Variants in SORCS2 observed in about 807,000 individuals in gnomAD.
The protein encoded by SORCS2 is sortilin related VPS10 domain containing receptor 2, also known as VPS10 domain-containing receptor SorCS2.
In SORCS2, 100 loss-of-function variants were observed where a neutral mutation model predicts 141.6. That is an observed-to-expected ratio of 0.71 (90% confidence interval 0.60 to 0.83). The LOEUF (loss-of-function observed/expected upper bound fraction) is 0.83. SORCS2 is among the 40% of genes least tolerant of loss of function. SORCS2 has a pLI of 0.00. For missense variants in SORCS2, 1,646 were observed against 1,560.2 expected, an observed-to-expected ratio of 1.05 and a Z score of -0.93; for synonymous variants, 789 against 676.9, an observed-to-expected ratio of 1.17 and a Z score of -2.57.
At chr4:7,316,815 C>G (rs1196029733) in intron 1 of SORCS2, among the ~76,000 whole-genome samples, 1 of 152,202 alleles carries the variant, frequency 6.6e-6, no homozygotes, top group Non-Finnish European at 1.5e-5. Flanking sequence ...GGAATCATAG[C>G]TGGCTAGAGG....
chr4:7,659,060 T>C (rs1721982742), intron 5 of SORCS2, among the ~76,000 whole-genome samples: 1 of 152,180 alleles, frequency 6.6e-6, no homozygotes, highest in Non-Finnish European at 1.5e-5. Flanking sequence ...TTAGTTGGAA[T>C]GTGTGTGATA....
At chr4:7,559,832 C>G (rs1417873226) in intron 3 of SORCS2, among the ~76,000 whole-genome samples, 3 of 152,266 alleles carry the variant, frequency 2.0e-5, no homozygotes, top group African/African-American at 7.2e-5. Context: ...GCCCACTGAC[C>G]ACTCGCAAAT....
In SORCS2 at chr4:7,589,586, A is replaced by G. The variant is rs1271341048; in HGVS notation, c.649-48742A>G. On this transcript the variant is annotated intron_variant, in intron 3 of 26. Transcript: ENST00000507866. ...CCCGGCTAACTTTTGTATTTTTAGT[A>G]AAGAAGGGGTTTCACCATATTGGCC... Among the ~76,000 whole-genome samples the G allele has an allele frequency of 3.3e-5, 5 of 152,034 alleles. No homozygotes were observed. The East Asian group carries it at 9.7e-4, about 29-fold the overall frequency.
chr4:7,703,109 G>A (rs1210223747), intron 12 of SORCS2, among the ~76,000 whole-genome samples, 171 bp from the exon 13 acceptor site: 2 of 152,152 alleles, frequency 1.3e-5, no homozygotes, highest in Non-Finnish European at 2.9e-5. Flanking sequence ...CGCGTGGGCT[G>A]GGAAAGCTCG....
At position 7,641,195 on chromosome 4, in the gene SORCS2, A is replaced by G. The variant is rs979817737; in HGVS notation, c.813+2703A>G. ...TCTATTAGCCCATTGTCACACTGCT[A>G]TTAAGAACTACCTGAGACTGATTAA... On this transcript the variant is annotated intron_variant, in intron 4 of 26. Transcript: ENST00000507866. Among the ~76,000 whole-genome samples the G allele has an allele frequency of 9.2e-5, 14 of 152,282 alleles. No homozygotes were observed. In the South Asian group the frequency reaches 2.5e-3, roughly 27 times the overall value.
In SORCS2 at chr4:7,716,323, C is replaced by T. The variant is rs1164899574; in HGVS notation, c.2252+1012C>T. Among the ~76,000 whole-genome samples, 2 of 152,344 alleles carry T rather than the reference C, an allele frequency of 1.3e-5. 1 individual carries two copies. The highest frequency in any genetic ancestry group is 4.1e-4 in the South Asian group (2 of 4,828). On this transcript the variant is annotated intron_variant, in intron 17 of 26. Transcript: ENST00000507866. ...CAGCATGTCTCCTGCCATCCACCCA[C>T]CCATCCATGCAATCACTCGTTCATC...
chr4:7,358,963 T>G (rs972581917), intron 1 of SORCS2, among the ~76,000 whole-genome samples: 2 of 152,168 alleles, frequency 1.3e-5, no homozygotes, highest in African/African-American at 2.4e-5. Flanking sequence ...CCAAACCTAC[T>G]GAATAGCTGG....
Position 7,718,096 on chromosome 4 carries a change from G to A in SORCS2, c.2337G>A (p.Pro779=), listed in dbSNP as rs747673141. Reference sequence around the variant, plus strand: ...TGCAGCTGCAGTGCCCCCTCACGCCGCCCCGGGGCCTGCAGGTCAGCATTC... The same window carrying A: ...TGCAGCTGCAGTGCCCCCTCACGCCACCCCGGGGCCTGCAGGTCAGCATTC... The part of the protein sequence containing the change: ...SQVQLQCPLT[P]PRGLQVSIQG... Residue 779 remains proline, a synonymous_variant, in exon 18 of 27, where the codon CCG becomes CCA. Transcript: ENST00000507866. 70 of 1,611,484 alleles carry A rather than the reference G, an allele frequency of 4.3e-5. No homozygotes were observed. The highest frequency in any genetic ancestry group is 2.7e-4 in the African/African-American group (20 of 74,848).
At chr4:7,491,608 C>T (rs1026322287) in intron 2 of SORCS2, among the ~76,000 whole-genome samples, 14 of 152,258 alleles carry the variant, frequency 9.2e-5, no homozygotes, top group African/African-American at 3.1e-4. Context: ...GCCAGCAGGT[C>T]CCTTGACCTC....
chr4:7,303,603 T>C (rs1453023403), intron 1 of SORCS2, among the ~76,000 whole-genome samples: 1 of 152,202 alleles, frequency 6.6e-6, no homozygotes, highest in Non-Finnish European at 1.5e-5. Context: ...GTGATGGTCT[T>C]GGCACCCTGC....
rs370851377 is a variant in SORCS2 at position 7,591,737 on chromosome 4, C to T, written c.649-46591C>T. ...CCCCCGTAGAGCCCGGGAGAGCTTT[C>T]TAAAGCGCCCCACGGCAGTGATGAA... On this transcript the variant is annotated intron_variant, in intron 3 of 26. Transcript: ENST00000507866. 5.1e-4 allele frequency among the ~76,000 whole-genome samples: 77 copies of T among 152,322 alleles called. No individual in the cohort carries two copies. The East Asian group carries it at 7.6e-3, about 15-fold the overall frequency.
chr4:7,561,961 A>G (rs1280812229), intron 3 of SORCS2, among the ~76,000 whole-genome samples: 1 of 152,184 alleles, frequency 6.6e-6, no homozygotes, highest in South Asian at 2.1e-4. Context: ...TAATCCATGT[A>G]TTCATTTATC....
chr4:7,195,062 G>T (rs1310616533), intron 1 of SORCS2, among the ~76,000 whole-genome samples: 1 of 152,168 alleles, frequency 6.6e-6, no homozygotes, highest in East Asian at 1.9e-4. Flanking sequence ...ATGGGGCACT[G>T]GGGGTGGGGG....
intron 2 of SORCS2, among the ~76,000 whole-genome samples, chr4:7,504,869 G>A (rs1732182915): frequency 6.6e-6 from 1 of 152,236 alleles, no homozygotes; most frequent in African/African-American, 2.4e-5. Flanking sequence ...GGCCACAAAA[G>A]GTCCATGGTG....
At chr4:7,609,093 G>A (rs1424307257) in intron 3 of SORCS2, among the ~76,000 whole-genome samples, 3 of 152,140 alleles carry the variant, frequency 2.0e-5, no homozygotes, top group African/African-American at 7.2e-5. Context: ...TGAGGGGCTG[G>A]TGAAGGGTTA....
At chr4:7,589,980 T>C (rs1244517500) in intron 3 of SORCS2, among the ~76,000 whole-genome samples, 1 of 152,136 alleles carries the variant, frequency 6.6e-6, no homozygotes, top group Non-Finnish European at 1.5e-5. Flanking sequence ...GGCGGGGCTA[T>C]TGGAGCAGCA....
At chr4:7,217,529 C>T (rs1560118238) in intron 1 of SORCS2, among the ~76,000 whole-genome samples, 2 of 152,194 alleles carry the variant, frequency 1.3e-5, no homozygotes, top group African/African-American at 4.8e-5. Flanking sequence ...TTAAAGCCAC[C>T]TGGAAGCAAA....
At chr4:7,649,660 G>A (rs532948382) in intron 4 of SORCS2, among the ~76,000 whole-genome samples, 1 of 152,072 alleles carries the variant, frequency 6.6e-6, no homozygotes, top group South Asian at 2.1e-4. Context: ...GGGCTTGGAG[G>A]CTGGGTCAGG....
At chr4:7,554,038 A>G (rs1005428439) in intron 3 of SORCS2, among the ~76,000 whole-genome samples, 2 of 152,218 alleles carry the variant, frequency 1.3e-5, no homozygotes, top group African/African-American at 4.8e-5. Flanking sequence ...GGCCTATGAA[A>G]CAACCAGGAA....
Sources: gnomAD v4.1 joint callset for allele counts (sites outside exome capture counted in the v4.1 genomes callset) on GRCh38, gnomAD v4.1.1 for gene constraint, MANE v1.5 for transcripts, NCBI Gene and HGNC (gene_info 2026-07-23, HGNC 2026-07-21) for gene names.